Variants in ECT2 observed in about 807,000 individuals in gnomAD.
ECT2 encodes the protein protein ECT2.
Under a neutral mutation model 116.9 loss-of-function variants are expected in ECT2, and 61 were observed. The ratio of observed to expected loss-of-function variants is 0.52; its 90% CI spans 0.42 to 0.65. ECT2 has a LOEUF of 0.65. Among genes scored for constraint, ECT2 ranks in the 30% least tolerant of loss-of-function variants. The pLI, the probability that ECT2 is intolerant of heterozygous loss-of-function variation, is 0.00. For synonymous variants in ECT2, 358 were observed against 346.4 expected, an observed-to-expected ratio of 1.03 and a Z score of -0.37; for missense variants, 937 against 1,078.7, an observed-to-expected ratio of 0.87 and a Z score of 1.84.
Position 172,816,714 on chromosome 3 carries a change from C to T in ECT2, c.2532C>T (p.Ser844=), listed in dbSNP as rs1277208238. Reference sequence around the variant, plus strand: ...AGGTTACAAGAGCATTCTCTTTCTCCAAAACTCCAAAAAGAGCTCTTCGAA... The same window carrying T: ...AGGTTACAAGAGCATTCTCTTTCTCTAAAACTCCAAAAAGAGCTCTTCGAA... ...SKKVTRAFSF[S]KTPKRALRRA... Residue 844 remains serine (S), a synonymous_variant, in exon 24 of 25, where the codon TCC becomes TCT. Transcript: ENST00000392692. The T allele has an allele frequency of 6.2e-7, 1 of 1,603,306 alleles. No individual in the cohort carries two copies. Among genetic ancestry groups the T allele is most frequent in the Admixed American group, 1.7e-5 (1 of 59,550 alleles).
Position 172,757,178 on chromosome 3 carries a change from A to G in ECT2, c.486+13A>G, listed in dbSNP as rs763859795. On this transcript the variant is annotated intron_variant, in intron 5 of 24. Transcript: ENST00000392692. ...ACAAAAAGGAGAGGTAAGCATATAC[A>G]TTTATTATGACTTTTCAAGTTAAAA... 1.4e-6 allele frequency: 2 copies of G among 1,430,306 alleles called. No homozygotes were observed. Among genetic ancestry groups the G allele is most frequent in the Non-Finnish European group, 1.8e-6 (2 of 1,086,962 alleles). 88.6% of individuals were successfully genotyped at this position (1,430,306 alleles called of 1,614,324 possible).
intron 5 of ECT2, among the ~76,000 whole-genome samples, 157 bp downstream of exon 5, chr3:172,757,322 C>T (rs951519177): frequency 2.0e-5 from 3 of 151,940 alleles, no homozygotes; most frequent in Admixed American, 1.3e-4. Context: ...CCTTTAATTC[C>T]TCCATTTTAA....
chr3:172,795,964 A>G (rs1033668946), intron 18 of ECT2, among the ~76,000 whole-genome samples: 11 of 152,238 alleles, frequency 7.2e-5, no homozygotes, highest in Non-Finnish European at 1.0e-4. Flanking sequence ...GATTTTGTCA[A>G]ATTCACAGGT....
intron 21 of ECT2, 61 bp downstream of exon 21, chr3:172,805,930 A>T (rs974351562): frequency 7.1e-6 from 11 of 1,539,186 alleles, no homozygotes; most frequent in African/African-American, 1.4e-5. Context: ...TGTAGGTTTA[A>T]TTTACTCCAT....
In ECT2 at chr3:172,816,756, C is replaced by T; in HGVS notation, c.2574C>T (p.Ser858=). 1 of 1,611,218 alleles carries T rather than the reference C, an allele frequency of 6.2e-7. No individual in the cohort carries two copies. The highest frequency in any genetic ancestry group is 8.5e-7 in the Non-Finnish European group (1 of 1,178,074). ...KRALRRALMT[S]HGSVEGRSPS... ...CTCTTCGAAGGGCTCTTATGACATC[C>T]CACGGCTCAGTGGAGGGAAGAAGTC... The change falls in exon 24 of 25, where the codon TCC becomes TCT. Residue 858 remains serine (S), a synonymous_variant. Transcript: ENST00000392692.
chr3:172,783,700 A>G (rs965076471), intron 15 of ECT2, 99 bp from the exon 16 acceptor site: 28 of 739,910 alleles, frequency 3.8e-5, no homozygotes, highest in Non-Finnish European at 6.0e-5. Context: ...TGCATCCACT[A>G]TGTCAGATTG....
intron 18 of ECT2, among the ~76,000 whole-genome samples, chr3:172,789,620 CT>C (rs1234667376): frequency 1.3e-5 from 2 of 152,200 alleles, no homozygotes; most frequent in Non-Finnish European, 2.9e-5. Context: ...CCATATTAAA[CT>C]GCAAAGTTGG....
intron 12 of ECT2, 32 bp from the exon 13 acceptor site, chr3:172,768,975 C>A: frequency 6.4e-7 from 1 of 1,555,240 alleles, no homozygotes; most frequent in Non-Finnish European, 8.7e-7. Flanking sequence ...TATTTGGCTT[C>A]CATTAAATCT....
intron 24 of ECT2, among the ~76,000 whole-genome samples, chr3:172,817,701 G>T (rs1362716591): frequency 6.6e-6 from 1 of 152,050 alleles, no homozygotes. Flanking sequence ...CTATTACTAA[G>T]TATTTGAGTG....
At chr3:172,807,709 C>A (rs980735035) in intron 21 of ECT2, 61 bp from the exon 22 acceptor site, 2 of 1,533,952 alleles carry the variant, frequency 1.3e-6, no homozygotes, top group East Asian at 2.3e-5. Flanking sequence ...ACTAAACTTG[C>A]ATACATCTGT....
chr3:172,797,663 TC>T (rs1560001498), intron 18 of ECT2, among the ~76,000 whole-genome samples: 1 of 152,184 alleles, frequency 6.6e-6, no homozygotes, highest in Non-Finnish European at 1.5e-5. Context: ...TAAATGAGCT[TC>T]CCCCAAGAAG....
chr3:172,754,537 G>A lies in ECT2; in HGVS notation c.7G>A (p.Glu3Lys). 4.4e-6 allele frequency: 7 copies of A among 1,595,014 alleles called. No individual in the cohort carries two copies. Among genetic ancestry groups the A allele is most frequent in the Non-Finnish European group, 6.0e-6 (7 of 1,173,650 alleles). The change falls in exon 2 of 25, where the codon GAA becomes AAA. Residue 3 changes from glutamate to lysine, a missense_variant. Glu to Lys is a moderately conservative substitution (Grantham distance 56). Transcript: ENST00000392692. MA[E>K]NSVLTSTTGR... The stretch of plus-strand genomic sequence containing the variant: ...ATTTAGAAGAATACAAATCATGGCT[G>A]AAAATAGTGTATTAACATCCACTAC...
intron 16 of ECT2, among the ~76,000 whole-genome samples, 154 bp downstream of exon 16, chr3:172,784,063 A>G (rs6808606): frequency 0.061 from 9,351 of 152,216 alleles, 972 homozygotes; most frequent in African/African-American, 0.21. Flanking sequence ...CATGATATTT[A>G]GCTTTGGAAG....
intron 18 of ECT2, among the ~76,000 whole-genome samples, chr3:172,801,476 A>AT (rs1726710094): frequency 6.6e-6 from 1 of 152,144 alleles, no homozygotes; most frequent in Non-Finnish European, 1.5e-5. Flanking sequence ...GTTAACTCTG[A>AT]TTTTTTAACG....
intron 18 of ECT2, among the ~76,000 whole-genome samples, chr3:172,793,705 C>A (rs977415543): frequency 5.3e-5 from 8 of 151,864 alleles, no homozygotes; most frequent in African/African-American, 1.7e-4. Context: ...CTCAAGCAAT[C>A]CACCCACATC....
chr3:172,822,018 T>C (rs1730719674), downstream of ECT2, among the ~76,000 whole-genome samples: 1 of 151,282 alleles, frequency 6.6e-6, no homozygotes, highest in South Asian at 2.1e-4. Flanking sequence ...GTATCATGCA[T>C]GGATATTAAA....
At chr3:172,794,228 C>T (rs904797501) in intron 18 of ECT2, among the ~76,000 whole-genome samples, 1 of 152,088 alleles carries the variant, frequency 6.6e-6, no homozygotes, top group Admixed American at 6.5e-5. Flanking sequence ...TGGTATTAGT[C>T]TTTAGGTAAA....
chr3:172,818,522 T>C, intron 24 of ECT2: 2 of 1,219,658 alleles, frequency 1.6e-6, no homozygotes, highest in Non-Finnish European at 1.0e-6. Flanking sequence ...TGTCATCTTC[T>C]CAATTGCTTG....
intron 21 of ECT2, 141 bp downstream of exon 21, chr3:172,806,010 C>A: frequency 3.7e-6 from 3 of 821,048 alleles, no homozygotes; most frequent in South Asian, 2.1e-5. Flanking sequence ...ATTGTTCTTG[C>A]ACCTCTATCC....
Sources: gnomAD v4.1 joint callset for allele counts (sites outside exome capture counted in the v4.1 genomes callset) on GRCh38, gnomAD v4.1.1 for gene constraint, MANE v1.5 for transcripts, NCBI Gene and HGNC (gene_info 2026-07-23, HGNC 2026-07-21) for gene names.